SLC25A13: variants seen among roughly 807,000 people sequenced by gnomAD.
SLC25A13 encodes the protein electrogenic aspartate/glutamate antiporter SLC25A13, mitochondrial.
SLC25A13 carries 70 observed loss-of-function variants against 85.5 expected under a neutral mutation model. The observed-to-expected ratio is 0.82, with a 90% confidence interval of 0.68 to 1.00. The LOEUF (loss-of-function observed/expected upper bound fraction) is 1.00. SLC25A13 is among the 50% of genes least tolerant of loss of function. The pLI is 0.00. For synonymous variants in SLC25A13, 259 were observed against 288.7 expected (o/e 0.90, Z 1.04); for missense variants, 765 against 819.8 (o/e 0.93, Z 0.82).
chr7:96,219,036 C>G (rs1796003210), intron 4 of SLC25A13, among the ~76,000 whole-genome samples: 1 of 152,152 alleles, frequency 6.6e-6, no homozygotes, highest in Non-Finnish European at 1.5e-5. Context: ...TCTCTACTGC[C>G]ATATGCTCCA....
intron 3 of SLC25A13, among the ~76,000 whole-genome samples, chr7:96,261,250 C>CAT (rs747974216): frequency 3.5e-4 from 53 of 152,156 alleles, no homozygotes; most frequent in Non-Finnish European, 6.5e-4. Context: ...ACCTCTATAT[C>CAT]ATCTATATAT....
At chr7:96,197,633 T>C (rs762956143) in intron 5 of SLC25A13, among the ~76,000 whole-genome samples, 5 of 152,190 alleles carry the variant, frequency 3.3e-5, no homozygotes, top group African/African-American at 7.2e-5. Flanking sequence ...AAAATCTGAA[T>C]GTATACTATG....
intron 2 of SLC25A13, among the ~76,000 whole-genome samples, chr7:96,291,698 G>A (rs1402254212): frequency 2.6e-5 from 4 of 152,174 alleles, no homozygotes; most frequent in Non-Finnish European, 4.4e-5. Flanking sequence ...TAAATTCGTC[G>A]ACACATACAC....
chr7:96,249,201 T>C (rs1026479829), intron 3 of SLC25A13, among the ~76,000 whole-genome samples: 5 of 152,222 alleles, frequency 3.3e-5, no homozygotes, highest in African/African-American at 1.2e-4. Flanking sequence ...AAGTAGCATT[T>C]CTAGATTTTA....
chr7:96,229,221 T>C (rs925168516), intron 4 of SLC25A13, among the ~76,000 whole-genome samples: 11 of 152,182 alleles, frequency 7.2e-5, no homozygotes, highest in African/African-American at 2.4e-4. Context: ...AGGAGGATTG[T>C]ATATGCTCCA....
intron 4 of SLC25A13, among the ~76,000 whole-genome samples, chr7:96,211,703 A>T (rs1795704144): frequency 6.6e-6 from 1 of 152,198 alleles, no homozygotes; most frequent in African/African-American, 2.4e-5. Flanking sequence ...TTTACAACAG[A>T]TAATGCAACA....
At chr7:96,189,105 AT>A (rs1471128215) in intron 9 of SLC25A13, among the ~76,000 whole-genome samples, 188 bp downstream of exon 9, 2 of 152,238 alleles carry the variant, frequency 1.3e-5, no homozygotes, top group African/African-American at 4.8e-5. Flanking sequence ...CAAATGCCAA[AT>A]ACCTGTTTAT....
chr7:96,154,682 C>A (rs1237728498), intron 13 of SLC25A13, among the ~76,000 whole-genome samples: 4 of 151,966 alleles, frequency 2.6e-5, no homozygotes, highest in Non-Finnish European at 5.9e-5. Flanking sequence ...GCTAGGAGTC[C>A]CTCTGACCAA....
At chr7:96,123,229 A>C (rs1320661543) in intron 15 of SLC25A13, among the ~76,000 whole-genome samples, 1 of 152,184 alleles carries the variant, frequency 6.6e-6, no homozygotes, top group East Asian at 1.9e-4. Context: ...ATTCCTGTTC[A>C]TTTGTAGGAA....
intron 14 of SLC25A13, 60 bp from the exon 15 acceptor site, chr7:96,131,941 GCTT>G: frequency 6.2e-7 from 1 of 1,609,950 alleles, no homozygotes; most frequent in Non-Finnish European, 8.5e-7. Context: ...AGGAGATCAA[GCTT>G]CTCTGGAACT....
At chr7:96,135,406 C>G (rs1792235284) in intron 14 of SLC25A13, among the ~76,000 whole-genome samples, 1 of 152,148 alleles carries the variant, frequency 6.6e-6, no homozygotes, top group Non-Finnish European at 1.5e-5. Context: ...TTTTCCCCAC[C>G]ACTTCCTTTA....
At chr7:96,190,010 A>C (rs575671241) in intron 7 of SLC25A13, among the ~76,000 whole-genome samples, 4 of 152,210 alleles carry the variant, frequency 2.6e-5, no homozygotes, top group African/African-American at 9.6e-5. Context: ...TAACTGGTTA[A>C]ATTAGGATTA....
intron 15 of SLC25A13, 148 bp downstream of exon 15, chr7:96,131,591 CCTTT>C (rs920067803): frequency 2.1e-6 from 2 of 935,206 alleles, no homozygotes; most frequent in African/African-American, 3.3e-5. Context: ...TAATTTTTTC[CCTTT>C]TTTTTCAGTA....
intron 13 of SLC25A13, among the ~76,000 whole-genome samples, chr7:96,169,156 T>C (rs765196278): frequency 1.3e-5 from 2 of 152,130 alleles, no homozygotes; most frequent in Non-Finnish European, 2.9e-5. Context: ...GAAACCATCA[T>C]TCACCATTAG....
chr7:96,152,184 CCAACT>C (rs745471143), intron 13 of SLC25A13, among the ~76,000 whole-genome samples: 38 of 152,228 alleles, frequency 2.5e-4, no homozygotes, highest in Non-Finnish European at 2.4e-4. Flanking sequence ...ATTGCTGGAG[CCAACT>C]CATGGAAGGT....
chr7:96,178,258 C>T (rs982071922), intron 11 of SLC25A13, among the ~76,000 whole-genome samples: 2 of 152,242 alleles, frequency 1.3e-5, no homozygotes, highest in Admixed American at 6.5e-5. Flanking sequence ...CCCAGAGTGG[C>T]CAGGGTGCCA....
intron 1 of SLC25A13, among the ~76,000 whole-genome samples, chr7:96,300,052 C>G (rs763505767): frequency 6.6e-6 from 1 of 152,086 alleles, no homozygotes; most frequent in Non-Finnish European, 1.5e-5. Flanking sequence ...ATAGTACAAG[C>G]CTAAAAATCA....
intron 13 of SLC25A13, among the ~76,000 whole-genome samples, chr7:96,166,682 A>AT (rs1307779313): frequency 2.0e-5 from 3 of 152,064 alleles, no homozygotes; most frequent in African/African-American, 4.8e-5. Context: ...ATTATTTTTT[A>AT]TTTTTTTCTT....
intron 5 of SLC25A13, among the ~76,000 whole-genome samples, chr7:96,195,158 C>T (rs934910661): frequency 1.3e-5 from 2 of 152,134 alleles, no homozygotes; most frequent in Non-Finnish European, 2.9e-5. Context: ...ACGTGGGTAT[C>T]GTGTAAAGGC....
Sources: allele counts gnomAD v4.1 joint callset (sites outside exome capture counted in the v4.1 genomes callset), GRCh38; gene constraint gnomAD v4.1.1; transcripts MANE v1.5; gene names NCBI Gene and HGNC (gene_info 2026-07-23, HGNC 2026-07-21).